OR5AN1: variants seen among roughly 807,000 people sequenced by gnomAD.
OR5AN1 encodes olfactory receptor 5AN1.
For synonymous variants in OR5AN1, 167 were observed against 131.8 expected (o/e 1.27, Z -1.83); for missense variants, 476 against 368.9 (o/e 1.29, Z -2.38).
chr11:59,364,380 A>T, intron 1 of OR5AN1, 66 bp from the exon 2 acceptor site: 1 of 938,770 alleles, frequency 1.1e-6, no homozygotes, highest in Non-Finnish European at 1.6e-6. Context: ...TACACATATG[A>T]AGACGGTAAT....
rs754787121 is a variant in OR5AN1 at position 59,364,567 on chromosome 11, A to G, written c.109A>G (p.Ile37Val). 5 of 1,613,904 alleles carry G rather than the reference A, an allele frequency of 3.1e-6. No individual in the cohort carries two copies. The South Asian group carries it at 5.5e-5, about 18-fold the overall frequency. ...VLFTIFLVIY[I>V]TSLAWNLSLI... ...CTTCACTATATTCCTGGTGATCTAC[A>G]TTACATCTCTGGCCTGGAACCTCTC... Residue 37 changes from isoleucine to valine, a missense_variant, in exon 2 of 2, where the codon ATT becomes GTT. Transcript: ENST00000641998.
chr11:59,361,769 C>T (rs140048712), intron 1 of OR5AN1, among the ~76,000 whole-genome samples: 6 of 152,168 alleles, frequency 3.9e-5, no homozygotes, highest in African/African-American at 1.4e-4. Context: ...ATCTCTTTCT[C>T]CCCCTTTTTC....
chr11:59,364,618 TC>T lies in OR5AN1; in HGVS notation c.163del (p.His55ThrfsTer16), dbSNP rs1295079855. On this transcript the variant is annotated frameshift_variant, in exon 2 of 2. Coordinates refer to ENST00000641998, the MANE Select transcript of OR5AN1 (RefSeq NM_001004729.2). LOFTEE classifies it low-confidence loss of function (END_TRUNC). ...LSLIVLIRMDSHLHTPMYFFL... is the reference protein window; with the variant it reads ...LSLIVLIRMDXHLHTPMYFFL... ...CCTCATTGTTTTAATAAGGATGGAT[TC>T]CCACCTCCATACACCCATGTATTTC... The T allele has an allele frequency of 6.2e-6, 10 of 1,614,082 alleles. No homozygotes were observed. Among genetic ancestry groups the T allele is most frequent in the African/African-American group, 1.3e-5 (1 of 75,040 alleles).
Position 59,366,232 on chromosome 11 carries a change from T to C in OR5AN1, c.*838T>C, listed in dbSNP as rs562183751. The C allele has an allele frequency of 6.6e-6, 1 of 152,222 alleles. No homozygotes were observed. Among genetic ancestry groups the C allele is most frequent in the South Asian group, 2.1e-4 (1 of 4,834 alleles). 9.4% of individuals were successfully genotyped at this position (152,222 alleles called of 1,614,324 possible). On this transcript the variant is annotated 3_prime_UTR_variant, in exon 2 of 2. Coordinates refer to ENST00000641998, the MANE Select transcript of OR5AN1 (RefSeq NM_001004729.2). ...ACATCTGATACTGTGGGACTCAAAC[T>C]TTCTTTTTCTCCCCCATTAAATTTA...
At chr11:59,360,111 A>AT (rs1857447580) in intron 1 of OR5AN1, 1 of 152,156 alleles carries the variant, frequency 6.6e-6, no homozygotes, top group South Asian at 2.1e-4. Flanking sequence ...TTCAGGATAA[A>AT]TTTTATCATG....
Position 59,371,396 on chromosome 11 carries a change from G to T in OR5AN1, c.*6002G>T, listed in dbSNP as rs540839324. ...GGTCACCACCTTAGGGAAAAAAAAA[G>T]ACAAAATAAGGATTGGAAAACTGCA... is the stretch of plus-strand genomic sequence containing the variant. On this transcript the variant is annotated 3_prime_UTR_variant, in exon 2 of 2. Coordinates refer to ENST00000641998, the MANE Select transcript of OR5AN1 (RefSeq NM_001004729.2). 1.3e-5 allele frequency: 2 copies of T among 152,246 alleles called. No individual in the cohort carries two copies. Among genetic ancestry groups the T allele is most frequent in the East Asian group, 3.9e-4 (2 of 5,186 alleles). 9.4% of individuals were successfully genotyped at this position (152,246 alleles called of 1,614,324 possible).
intron 1 of OR5AN1, among the ~76,000 whole-genome samples, chr11:59,360,987 G>A (rs1329948698): frequency 2.6e-5 from 4 of 152,232 alleles, no homozygotes; most frequent in East Asian, 1.9e-4. Context: ...GTAACCAAAC[G>A]TCTCTACTTA....
rs757751818 is a variant in OR5AN1 at position 59,368,635 on chromosome 11, T to G, written c.*3241T>G. The G allele has an allele frequency of 1.3e-5, 2 of 152,404 alleles. No individual in the cohort carries two copies. Among genetic ancestry groups the G allele is most frequent in the Non-Finnish European group, 2.9e-5 (2 of 68,242 alleles). The allele number at this position is 152,404 out of a possible 1,614,324, so 9.4% of individuals were successfully genotyped here. On this transcript the variant is annotated 3_prime_UTR_variant, in exon 2 of 2. Transcript: ENST00000641998. ...GGGCCCACAACACATACCCTCTATC[T>G]TGGGCTGGCTGCACTGAGCGATTGC... is the stretch of plus-strand genomic sequence containing the variant.
chr11:59,369,675 A>C lies in OR5AN1; in HGVS notation c.*4281A>C, dbSNP rs1857572541. 1 of 152,242 alleles carries C rather than the reference A, an allele frequency of 6.6e-6. No individual in the cohort carries two copies. The highest frequency in any genetic ancestry group is 1.5e-5 in the Non-Finnish European group (1 of 68,042). The allele number at this position is 152,242 out of a possible 1,614,324, so 9.4% of individuals were successfully genotyped here. On this transcript the variant is annotated 3_prime_UTR_variant, in exon 2 of 2. Transcript: ENST00000641998. ...TGAAAGGGAGGGGAAGGAAGAAAACAACTTGGAAAATATATTTCAGAATAT... is the reference window on the plus strand; with the variant it reads ...TGAAAGGGAGGGGAAGGAAGAAAACCACTTGGAAAATATATTTCAGAATAT...
rs1196392270 is a variant in OR5AN1 at position 59,364,555 on chromosome 11, C to T, written c.97C>T (p.Leu33=). 44 of 1,613,672 alleles carry T rather than the reference C, an allele frequency of 2.7e-5. No individual in the cohort carries two copies. The Admixed American group carries it at 7.3e-4, about 27-fold the overall frequency. The part of the protein sequence containing the change: ...RIIKVLFTIF[L]VIYITSLAWN... ...CATAAAAGTGCTCTTCACTATATTC[C>T]TGGTGATCTACATTACATCTCTGGC... is the stretch of plus-strand genomic sequence containing the variant. The change falls in exon 2 of 2, where the codon CTG becomes TTG. Residue 33 remains leucine, a synonymous_variant. Transcript: ENST00000641998.
chr11:59,363,431 T>C (rs1278254556), intron 1 of OR5AN1, among the ~76,000 whole-genome samples: 1 of 152,156 alleles, frequency 6.6e-6, no homozygotes, highest in Non-Finnish European at 1.5e-5. Flanking sequence ...ATTGAGACAA[T>C]AGTTGGGGCC....
chr11:59,362,020 G>T (rs990303166), intron 1 of OR5AN1, among the ~76,000 whole-genome samples: 17 of 152,066 alleles, frequency 1.1e-4, no homozygotes, highest in South Asian at 2.1e-4. Context: ...GACAGAGAGA[G>T]AGAAGAGAGC....
intron 1 of OR5AN1, among the ~76,000 whole-genome samples, chr11:59,361,731 T>C (rs916940157): frequency 2.6e-5 from 4 of 152,170 alleles, no homozygotes; most frequent in African/African-American, 9.7e-5. Context: ...GCAAGTAAGA[T>C]TCAGGAAAGT....
rs1476454002 is a variant in OR5AN1, at chr11:59,365,953, G to A, written c.*559G>A. ...GGCCTGGTTGTGTCTTTAAGAAAGAGCAACATGAGATAGCTGCAGTTTGCC... is the reference window on the plus strand; with the variant it reads ...GGCCTGGTTGTGTCTTTAAGAAAGAACAACATGAGATAGCTGCAGTTTGCC... On this transcript the variant is annotated 3_prime_UTR_variant, in exon 2 of 2. Transcript: ENST00000641998. 2 of 152,238 alleles carry A rather than the reference G, an allele frequency of 1.3e-5. No homozygotes were observed. The highest frequency in any genetic ancestry group is 4.8e-5 in the African/African-American group (2 of 41,456). The allele number at this position is 152,238 out of a possible 1,614,324, so 9.4% of individuals were successfully genotyped here.
Position 59,361,012 on chromosome 11 carries a change from A to G in OR5AN1, c.-14+1740A>G, listed in dbSNP as rs138655688. ...GTCTCTACTTATAGGTGTGCTCTGT[A>G]TAGTCAGCTTTCTCAGCTTGAGGGT... On this transcript the variant is annotated intron_variant, in intron 1 of 1. Coordinates refer to ENST00000641998, the MANE Select transcript of OR5AN1 (RefSeq NM_001004729.2). Among the ~76,000 whole-genome samples the G allele has an allele frequency of 1.0e-3, 153 of 152,324 alleles. 1 individual carries two copies. The highest frequency in any genetic ancestry group is 3.5e-3 in the African/African-American group (145 of 41,570).
chr11:59,365,193 T>C lies in OR5AN1; in HGVS notation c.735T>C (p.His245=), dbSNP rs1565053518. 1 of 1,614,058 alleles carries C rather than the reference T, an allele frequency of 6.2e-7. No homozygotes were observed. The highest frequency in any genetic ancestry group is 8.5e-7 in the Non-Finnish European group (1 of 1,179,950). ...AGGCATTCAACACCTGTGCTTCTCA[T>C]CTAACAGCTGTTTCCCTCTTCTATA... ...RSKAFNTCAS[H]LTAVSLFYTS... Residue 245 remains histidine, a synonymous_variant, in exon 2 of 2, where the codon CAT becomes CAC. Transcript: ENST00000641998.
rs775010238 is a variant in OR5AN1 at position 59,365,283 on chromosome 11, A to T, written c.825A>T (p.Ala275=). 1 of 1,613,514 alleles carries T rather than the reference A, an allele frequency of 6.2e-7. No homozygotes were observed. The highest frequency in any genetic ancestry group is 2.2e-5 in the East Asian group (1 of 44,848). ...GTTCTTCAAGCTTTGACAGATTTGCATCTGTTTTCTACACTGTGGTCATTC... is the reference window on the plus strand; with the variant it reads ...GTTCTTCAAGCTTTGACAGATTTGCTTCTGTTTTCTACACTGTGGTCATTC... ...SGGSSSFDRF[A]SVFYTVVIPM... is the part of the protein sequence containing the mutation. The change falls in exon 2 of 2, where the codon GCA becomes GCT. Residue 275 remains alanine, a synonymous_variant. Transcript: ENST00000641998.
At position 59,369,992 on chromosome 11, in the gene OR5AN1, AT is replaced by A. The variant is rs1289275441; in HGVS notation, c.*4601del. 6.6e-6 allele frequency: 1 copy of A among 152,190 alleles called. No homozygotes were observed. Among genetic ancestry groups the A allele is most frequent in the Non-Finnish European group, 1.5e-5 (1 of 68,040 alleles). 9.4% of individuals were successfully genotyped at this position (152,190 alleles called of 1,614,324 possible). On this transcript the variant is annotated 3_prime_UTR_variant, in exon 2 of 2. Coordinates refer to ENST00000641998, the MANE Select transcript of OR5AN1 (RefSeq NM_001004729.2). ...TAAAGAAAATAGTCTTCAACCAAGA[AT>A]TTCATATCTAGCCAAACTAAGCTCC...
chr11:59,360,515 A>G (rs1274321552), intron 1 of OR5AN1, among the ~76,000 whole-genome samples: 1 of 151,968 alleles, frequency 6.6e-6, no homozygotes, highest in Non-Finnish European at 1.5e-5. Flanking sequence ...TTCTGCGCCT[A>G]TCAACCCATC....
Sources: gnomAD v4.1 joint callset for allele counts (sites outside exome capture counted in the v4.1 genomes callset) on GRCh38, gnomAD v4.1.1 for gene constraint, MANE v1.5 for transcripts, NCBI Gene and HGNC (gene_info 2026-07-23, HGNC 2026-07-21) for gene names.